The following CFTR variants were observed in gnomAD, a reference collection of about 807,000 sequenced individuals.
CFTR encodes CF transmembrane conductance regulator.
A neutral mutation model predicts 171.6 loss-of-function variants in CFTR; 181 were observed. That is an observed-to-expected ratio of 1.05 (90% CI 0.93 to 1.19). The LOEUF (loss-of-function observed/expected upper bound fraction) is 1.19. CFTR is among the 50% of genes most tolerant of loss of function. The pLI, the probability that CFTR is intolerant of heterozygous loss-of-function variation, is 0.00. For missense variants in CFTR, 1,968 were observed against 1,734.7 expected (o/e 1.13, Z -2.39); for synonymous variants, 583 against 608.0 (o/e 0.96, Z 0.60).
In CFTR at chr7:117,595,004, C is replaced by CCTA. The variant is rs774507425; in HGVS notation, c.2566_2567insTAC (p.Val855_His856insLeu). ...ACACATACCTTCGATATATTACTGT[C>CCTA]CACAAGAGCTTAATTTTTGTGCTAA... is the stretch of plus-strand genomic sequence containing the variant. On this transcript the variant is annotated inframe_insertion, in exon 15 of 27. Coordinates refer to ENST00000003084, the MANE Select transcript of CFTR (RefSeq NM_000492.4). 2 of 1,612,700 alleles carry CCTA rather than the reference C, an allele frequency of 1.2e-6. No homozygotes were observed. The highest frequency in any genetic ancestry group is 3.3e-5 in the Admixed American group (2 of 59,972).
At chr7:117,547,556 T>G (rs967040669) in intron 9 of CFTR, among the ~76,000 whole-genome samples, 1 of 152,238 alleles carries the variant, frequency 6.6e-6, no homozygotes, top group African/African-American at 2.4e-5. Flanking sequence ...TTAAAATGCC[T>G]TATTCCCCTA....
rs573903244 is a variant in CFTR at position 117,614,268 on chromosome 7, A to G, written c.3368-345A>G. 7.9e-5 allele frequency among the ~76,000 whole-genome samples: 12 copies of G among 152,154 alleles called. No homozygotes were observed. In the South Asian group the frequency reaches 1.9e-3, roughly 24 times the overall value. ...TCTTTTCCCCATTGCCCATTCTAAT[A>G]TATGTTACCGTTATTACTTATAGAA... On this transcript the variant is annotated intron_variant, in intron 20 of 26. Coordinates refer to ENST00000003084, the MANE Select transcript of CFTR (RefSeq NM_000492.4).
chr7:117,664,917 T>C, intron 25 of CFTR, 57 bp downstream of exon 25: 2 of 1,542,504 alleles, frequency 1.3e-6, no homozygotes, highest in Non-Finnish European at 9.0e-7. Context: ...TCATTATGCC[T>C]GCTTCATGGT....
chr7:117,503,146 T>A (rs778158584), intron 1 of CFTR, among the ~76,000 whole-genome samples: 17 of 152,240 alleles, frequency 1.1e-4, no homozygotes, highest in Non-Finnish European at 2.1e-4. Context: ...TGCTAGAATA[T>A]CTTTTCTATA....
intron 11 of CFTR, among the ~76,000 whole-genome samples, chr7:117,573,937 G>A (rs558406962): frequency 1.3e-5 from 2 of 152,170 alleles, no homozygotes; most frequent in South Asian, 4.1e-4. Flanking sequence ...GGAAGTTGTA[G>A]TATGAACAAA....
At chr7:117,666,167 C>T (rs1793373808) in intron 26 of CFTR, among the ~76,000 whole-genome samples, 1 of 152,112 alleles carries the variant, frequency 6.6e-6, no homozygotes, top group African/African-American at 2.4e-5. Flanking sequence ...AAGACCAGCC[C>T]AGGCAACATA....
chr7:117,571,845 A>G (rs542570994), intron 11 of CFTR, among the ~76,000 whole-genome samples: 7 of 152,094 alleles, frequency 4.6e-5, no homozygotes, highest in Non-Finnish European at 1.0e-4. Flanking sequence ...CTGAATATTA[A>G]GTGTTTGATA....
At chr7:117,618,478 T>A (rs372390633) in intron 21 of CFTR, among the ~76,000 whole-genome samples, 2 of 148,210 alleles carry the variant, frequency 1.3e-5, no homozygotes, top group African/African-American at 5.0e-5. Flanking sequence ...AGACTCCGTC[T>A]CACACACACA....
At chr7:117,543,928 TTAG>T (rs1799097453) in intron 9 of CFTR, among the ~76,000 whole-genome samples, 1 of 152,246 alleles carries the variant, frequency 6.6e-6, no homozygotes, top group South Asian at 2.1e-4. Context: ...CTGAGTTTTG[TTAG>T]CACCTGGACT....
chr7:117,515,179 CT>C (rs1171427831), intron 3 of CFTR, among the ~76,000 whole-genome samples: 1 of 152,038 alleles, frequency 6.6e-6, no homozygotes, highest in Non-Finnish European at 1.5e-5. Context: ...TCAATTTTGG[CT>C]TTTTTTGCAA....
chr7:117,480,311 G>C (rs978467903), intron 1 of CFTR, among the ~76,000 whole-genome samples, 164 bp downstream of exon 1: 1 of 152,294 alleles, frequency 6.6e-6, no homozygotes, highest in Non-Finnish European at 1.5e-5. Flanking sequence ...AAAACAGAAA[G>C]CATTAAGAAG....
At chr7:117,597,355 A>C (rs892232703) in intron 15 of CFTR, among the ~76,000 whole-genome samples, 1 of 152,216 alleles carries the variant, frequency 6.6e-6, no homozygotes, top group South Asian at 2.1e-4. Flanking sequence ...TCTCGAAGTC[A>C]GTGAGACCAA....
intron 24 of CFTR, among the ~76,000 whole-genome samples, chr7:117,662,247 AT>A (rs1336207835): frequency 2.6e-5 from 4 of 152,144 alleles, no homozygotes; most frequent in Non-Finnish European, 5.9e-5. Context: ...GGCCACCCAC[AT>A]TCTAGGAGCT....
intron 19 of CFTR, among the ~76,000 whole-genome samples, chr7:117,611,097 C>A (rs772734956): frequency 2.6e-5 from 4 of 152,064 alleles, no homozygotes; most frequent in Non-Finnish European, 4.4e-5. Flanking sequence ...TTTCGTGTGC[C>A]CCCAAACTCT....
At chr7:117,536,696 A>G (rs983572064) in intron 7 of CFTR, 23 bp downstream of exon 7, 3 of 1,591,896 alleles carry the variant, frequency 1.9e-6, no homozygotes, top group African/African-American at 2.7e-5. Flanking sequence ...AATAATTTCA[A>G]TATTGTTAGT....
At chr7:117,631,831 C>T (rs908220561) in intron 22 of CFTR, among the ~76,000 whole-genome samples, 15 of 152,154 alleles carry the variant, frequency 9.9e-5, no homozygotes, top group Admixed American at 2.6e-4. Context: ...TTCATGGATA[C>T]GTGCAATTTA....
In CFTR at chr7:117,559,531, G is replaced by A. The variant is rs748461979; in HGVS notation, c.1460G>A (p.Arg487Lys). 6.2e-7 allele frequency: 1 copy of A among 1,611,884 alleles called. No individual in the cohort carries two copies. The highest frequency in any genetic ancestry group is 8.5e-7 in the Non-Finnish European group (1 of 1,178,198). Residue 487 changes from arginine to lysine, a missense_variant, in exon 11 of 27, where the codon AGA becomes AAA. By Grantham distance (26) the Arg-to-Lys change is conservative. Transcript: ENST00000003084. ...GAGGGTAAAATTAAGCACAGTGGAA[G>A]AATTTCATTCTGTTCTCAGTTTTCC... ...PSEGKIKHSGRISFCSQFSWI... is the reference protein window; with the variant it reads ...PSEGKIKHSGKISFCSQFSWI...
intron 1 of CFTR, among the ~76,000 whole-genome samples, chr7:117,499,463 T>TGTGTGTGTG: frequency 2.7e-5 from 2 of 73,068 alleles, no homozygotes; most frequent in Non-Finnish European, 5.0e-5. Flanking sequence ...GTGTGTGTGT[T>TGTGTGTGTG]TAAAAAATCA....
chr7:117,626,491 T>C (rs187263355), intron 21 of CFTR, among the ~76,000 whole-genome samples: 2 of 152,232 alleles, frequency 1.3e-5, no homozygotes, highest in East Asian at 3.9e-4. Flanking sequence ...GCATCAATAA[T>C]TACTAGTAAG....
Sources: allele counts gnomAD v4.1 joint callset (sites outside exome capture counted in the v4.1 genomes callset), GRCh38; gene constraint gnomAD v4.1.1; transcripts MANE v1.5; gene names NCBI Gene and HGNC (gene_info 2026-07-23, HGNC 2026-07-21).